Variants in SOS1 observed in about 807,000 individuals in gnomAD.
SOS1 encodes the protein SOS Ras/Rac guanine nucleotide exchange factor 1.
SOS1 carries 25 observed loss-of-function variants against 157.6 expected under a neutral mutation model. That is an observed-to-expected ratio of 0.16 (90% confidence interval 0.12 to 0.22). SOS1 has a LOEUF of 0.22. SOS1 is among the 10% of genes least tolerant of loss of function. The pLI, the probability that SOS1 is intolerant of heterozygous loss-of-function variation, is 1.00. For synonymous variants in SOS1, 528 were observed against 534.0 expected, an observed-to-expected ratio of 0.99 and a Z score of 0.16; for missense variants, 1,237 against 1,599.1, an observed-to-expected ratio of 0.77 and a Z score of 3.86.
intron 17 of SOS1, among the ~76,000 whole-genome samples, chr2:39,000,407 A>G (rs144802958): frequency 8.9e-4 from 135 of 152,318 alleles, no homozygotes; most frequent in African/African-American, 2.7e-3. Flanking sequence ...AGAATTATAT[A>G]TTAGTAAAGC....
In SOS1 at chr2:38,984,385, A is replaced by G. The variant is rs1668489696; in HGVS notation, c.*1439T>C. The G allele has an allele frequency of 6.6e-6, 1 of 152,204 alleles. No individual in the cohort carries two copies. The highest frequency in any genetic ancestry group is 1.5e-5 in the Non-Finnish European group (1 of 68,026). 9.4% of individuals were successfully genotyped at this position (152,204 alleles called of 1,614,324 possible). A position where few individuals can be genotyped will look rare whatever the true frequency, so the allele number is the denominator to read the frequency against. ...ATCCATATTATGATAGTAATGATGC[A>G]GGTAGATGTTCTATTATGAATAGTT... On this transcript the variant is annotated 3_prime_UTR_variant, in exon 23 of 23. Transcript: ENST00000402219.
chr2:39,065,642 A>C (rs1472798734), intron 2 of SOS1, among the ~76,000 whole-genome samples: 2 of 152,230 alleles, frequency 1.3e-5, no homozygotes, highest in African/African-American at 2.4e-5. Context: ...TTTTTCCATT[A>C]TATGTGCCCT....
intron 20 of SOS1, 70 bp downstream of exon 20, chr2:38,995,053 G>A: frequency 7.6e-7 from 1 of 1,310,716 alleles, no homozygotes. Context: ...AAATAACAGA[G>A]ATTCTTTTTT....
intron 8 of SOS1, among the ~76,000 whole-genome samples, chr2:39,027,420 A>G (rs1670001179): frequency 6.6e-6 from 1 of 152,240 alleles, no homozygotes; most frequent in South Asian, 2.1e-4. Flanking sequence ...TTAAAATGTC[A>G]TTTTTACCTT....
intron 20 of SOS1, among the ~76,000 whole-genome samples, chr2:38,994,533 T>G (rs1668832305): frequency 6.6e-6 from 1 of 152,208 alleles, no homozygotes; most frequent in African/African-American, 2.4e-5. Flanking sequence ...AGTATTCAAA[T>G]ACATGTTAAG....
intron 17 of SOS1, among the ~76,000 whole-genome samples, chr2:38,998,902 A>G (rs1374885061): frequency 2.0e-5 from 3 of 152,192 alleles, no homozygotes; most frequent in African/African-American, 7.2e-5. Flanking sequence ...AAGATGAGAA[A>G]GACCTCCAGC....
At chr2:39,056,425 G>C (rs1558492137) in intron 4 of SOS1, among the ~76,000 whole-genome samples, 1 of 151,390 alleles carries the variant, frequency 6.6e-6, no homozygotes, top group East Asian at 1.9e-4. Context: ...TCAAAAAAAA[G>C]AAAAAAGAAA....
intron 13 of SOS1, among the ~76,000 whole-genome samples, chr2:39,012,682 A>G (rs1284979244): frequency 6.6e-6 from 1 of 152,148 alleles, no homozygotes; most frequent in East Asian, 1.9e-4. Flanking sequence ...ATCCTCCAAG[A>G]AAAGGTATAT....
intron 1 of SOS1, among the ~76,000 whole-genome samples, chr2:39,082,107 A>G (rs1399406003): frequency 2.0e-5 from 3 of 152,170 alleles, no homozygotes; most frequent in African/African-American, 7.2e-5. Flanking sequence ...ATTATTACTG[A>G]CTAGTCACCC....
intron 3 of SOS1, among the ~76,000 whole-genome samples, chr2:39,057,317 C>G (rs1279093889): frequency 6.6e-6 from 1 of 152,058 alleles, no homozygotes; most frequent in Non-Finnish European, 1.5e-5. Flanking sequence ...ATGAGCTCCC[C>G]AAAACCACAG....
intron 8 of SOS1, chr2:39,034,724 T>C: frequency 4.4e-6 from 2 of 450,028 alleles, no homozygotes; most frequent in South Asian, 3.2e-5. Flanking sequence ...ATAAACAGTT[T>C]AATACAGATA....
At chr2:39,030,993 C>G (rs1230376402) in intron 8 of SOS1, among the ~76,000 whole-genome samples, 1 of 151,984 alleles carries the variant, frequency 6.6e-6, no homozygotes, top group East Asian at 1.9e-4. Context: ...TCGCTGGGGT[C>G]CACCAGAAGC....
Position 39,023,008 on chromosome 2 carries a change from T to G in SOS1, c.1420A>C (p.Asn474His). ...FDGLMICCKSNHGQPRLPGAS... is the reference protein window; with the variant it reads ...FDGLMICCKSHHGQPRLPGAS... ...CCAGGAAGTCTTGGCTGCCCATGATTTGATTTACAGCAAATCATTAAGCCA... is the reference window on the plus strand; with the variant it reads ...CCAGGAAGTCTTGGCTGCCCATGATGTGATTTACAGCAAATCATTAAGCCA... The change falls in exon 10 of 23, where the codon AAT becomes CAT. Residue 474 changes from asparagine (N) to histidine (H), a missense_variant. Asn to His is a moderately conservative substitution (Grantham distance 68). Transcript: ENST00000402219. 6.2e-6 allele frequency: 10 copies of G among 1,613,842 alleles called. No homozygotes were observed. The highest frequency in any genetic ancestry group is 8.5e-6 in the Non-Finnish European group (10 of 1,179,828).
intron 10 of SOS1, 120 bp downstream of exon 10, chr2:39,022,450 A>G: frequency 1.3e-6 from 1 of 756,466 alleles, no homozygotes; most frequent in Non-Finnish European, 2.3e-6. Flanking sequence ...TTTTTAGTCA[A>G]AGAAAAGAGG....
rs117877595 is a variant in SOS1 at position 39,095,416 on chromosome 2, T to G, written c.87+24920A>C. 1.7e-3 allele frequency among the ~76,000 whole-genome samples: 260 copies of G among 152,300 alleles called. 2 individuals carry two copies. In the East Asian group the frequency reaches 0.022, roughly 13 times the overall value. ...GATTAAGCTAGGGGAAAAGTCTTAG[T>G]GCAGAGAAGAGAGATTCAGTTAGGA... On this transcript the variant is annotated intron_variant, in intron 1 of 22. Coordinates refer to ENST00000402219, the MANE Select transcript of SOS1 (RefSeq NM_005633.4).
intron 8 of SOS1, among the ~76,000 whole-genome samples, chr2:39,034,432 G>A (rs1049153753): frequency 6.6e-6 from 1 of 152,102 alleles, no homozygotes; most frequent in South Asian, 2.1e-4. Flanking sequence ...AGTTTTCTTT[G>A]ATGAAACAAA....
intron 9 of SOS1, 56 bp from the exon 10 acceptor site, chr2:39,023,281 A>G (rs1669855511): frequency 7.4e-7 from 1 of 1,342,878 alleles, no homozygotes. Context: ...CCTAGAGCTC[A>G]TGTAAGTAAG....
intron 6 of SOS1, among the ~76,000 whole-genome samples, chr2:39,050,913 C>T (rs1347071413): frequency 6.6e-6 from 1 of 152,086 alleles, no homozygotes; most frequent in Non-Finnish European, 1.5e-5. Context: ...GCTGTAATAC[C>T]TCCCCCCTTG....
rs57338404 is a variant in SOS1, at chr2:39,003,066, C to CAAAAAAAAAAAAAAAAA, written c.2791+3345_2791+3346insTTTTTTTTTTTTTTTTT. Among the ~76,000 whole-genome samples the CAAAAAAAAAAAAAAAAA allele has an allele frequency of 8.0e-4, 58 of 72,280 alleles. 1 individual carries two copies. The highest frequency in any genetic ancestry group is 1.8e-3 in the African/African-American group (46 of 25,084). The allele number at this position is 72,280 out of a possible 152,430, so 47.4% of individuals were successfully genotyped here. On this transcript the variant is annotated intron_variant, in intron 17 of 22. Transcript: ENST00000402219. Reference sequence around the variant, plus strand: ...TGGGTGATAAAGTGAGACCTTGTATCAAAAAAAAAAAAGAACGTAGGGGTA... The same window carrying CAAAAAAAAAAAAAAAAA: ...TGGGTGATAAAGTGAGACCTTGTATCAAAAAAAAAAAAAAAAAAAAAAAAAAAAAGAACGTAGGGGTA...
Sources: gnomAD v4.1 joint callset for allele counts (sites outside exome capture counted in the v4.1 genomes callset) on GRCh38, gnomAD v4.1.1 for gene constraint, MANE v1.5 for transcripts, NCBI Gene and HGNC (gene_info 2026-07-23, HGNC 2026-07-21) for gene names.